SMYD3: variants seen among roughly 807,000 people sequenced by gnomAD.
SMYD3 encodes the protein histone-lysine N-methyltransferase SMYD3.
Under a neutral mutation model 57.7 loss-of-function variants are expected in SMYD3, and 36 were observed. The ratio of observed to expected loss-of-function variants is 0.62; its 90% CI spans 0.48 to 0.82. SMYD3 has a LOEUF of 0.82. Ranked by LOEUF, SMYD3 falls within the 40% of genes least tolerant of loss-of-function variation. SMYD3 has a pLI of 0.00. For synonymous variants in SMYD3, 211 were observed against 195.0 expected (o/e 1.08, Z -0.68); for missense variants, 515 against 538.8 (o/e 0.96, Z 0.44).
chr1:246,339,067 C>A (rs1178584576), intron 2 of SMYD3, among the ~76,000 whole-genome samples: 1 of 152,138 alleles, frequency 6.6e-6, no homozygotes, highest in Non-Finnish European at 1.5e-5. Context: ...CATTTAAAAA[C>A]AAAGAGCTCG....
intron 5 of SMYD3, among the ~76,000 whole-genome samples, chr1:246,247,471 A>G (rs570148783): frequency 7.6e-6 from 1 of 131,460 alleles, no homozygotes; most frequent in Non-Finnish European, 1.6e-5. Context: ...CTCTCTATAT[A>G]TATATATATA....
intron 5 of SMYD3, among the ~76,000 whole-genome samples, chr1:246,147,601 G>A (rs114235934): frequency 0.016 from 2,365 of 152,026 alleles, 31 homozygotes; most frequent in Non-Finnish European, 0.022. Flanking sequence ...CTGCAGACCA[G>A]GCTTCCTGCT....
intron 1 of SMYD3, among the ~76,000 whole-genome samples, chr1:246,405,823 TG>T (rs2066854662): frequency 6.8e-6 from 1 of 145,994 alleles, no homozygotes; most frequent in Admixed American, 7.0e-5. Context: ...GGCAGGAGAA[TG>T]GCGTGAACCC....
At chr1:246,454,638 C>CA (rs532003498) in intron 1 of SMYD3, among the ~76,000 whole-genome samples, 80 of 152,286 alleles carry the variant, frequency 5.3e-4, no homozygotes, top group Non-Finnish European at 9.7e-4. Context: ...ACTAAAGCCT[C>CA]AAACGTCAGC....
chr1:246,277,377 G>A (rs1386267252), intron 5 of SMYD3, among the ~76,000 whole-genome samples: 3 of 152,124 alleles, frequency 2.0e-5, no homozygotes, highest in Non-Finnish European at 2.9e-5. Context: ...GTGAAGGTGC[G>A]GAGCAACTGC....
At chr1:246,085,237 G>A (rs1310748466) in intron 5 of SMYD3, among the ~76,000 whole-genome samples, 1 of 152,086 alleles carries the variant, frequency 6.6e-6, no homozygotes, top group African/African-American at 2.4e-5. Context: ...GTTAACATCT[G>A]AAGTACCCTA....
intron 1 of SMYD3, among the ~76,000 whole-genome samples, chr1:246,419,195 A>C (rs1459157559): frequency 6.6e-6 from 1 of 152,240 alleles, no homozygotes; most frequent in African/African-American, 2.4e-5. Context: ...ATAAGTTCTT[A>C]TAGGGATAAA....
Position 245,981,521 on chromosome 1 carries a change from G to A in SMYD3, c.532-51584C>T, listed in dbSNP as rs1488910809. Among the ~76,000 whole-genome samples the A allele has an allele frequency of 8.5e-5, 13 of 152,322 alleles. No individual in the cohort carries two copies. In the East Asian group the frequency reaches 2.1e-3, roughly 25 times the overall value. ...TTTTAAAGGAATAAACACTTGCAAAGCGGTTTAAATTTAAAGGTTCCCTTA... is the reference window on the plus strand; with the variant it reads ...TTTTAAAGGAATAAACACTTGCAAAACGGTTTAAATTTAAAGGTTCCCTTA... On this transcript the variant is annotated intron_variant, in intron 5 of 11. Transcript: ENST00000490107.
chr1:246,326,172 A>G (rs1201529298), intron 5 of SMYD3: 1 of 403,264 alleles, frequency 2.5e-6, no homozygotes, highest in African/African-American at 2.1e-5. Flanking sequence ...TAAAATATTA[A>G]TGGCATAAAT....
intron 5 of SMYD3, chr1:245,930,921 TG>T (rs1311448508): frequency 6.6e-6 from 1 of 152,168 alleles, no homozygotes; most frequent in Non-Finnish European, 1.5e-5. Flanking sequence ...AAGGGACTGC[TG>T]AAATGAACGT....
chr1:245,923,810 C>T (rs1267217289), intron 7 of SMYD3, among the ~76,000 whole-genome samples: 1 of 152,202 alleles, frequency 6.6e-6, no homozygotes, highest in Non-Finnish European at 1.5e-5. Flanking sequence ...TCAGTTTCCT[C>T]AACTATACCT....
rs1160801787 is a variant in SMYD3 at position 246,050,181 on chromosome 1, T to C, written c.532-120244A>G. 2.6e-5 allele frequency among the ~76,000 whole-genome samples: 4 copies of C among 152,350 alleles called. No homozygotes were observed. The South Asian group carries it at 8.3e-4, about 32-fold the overall frequency. ...AATTAGACTCATAGTCTAGAATTTT[T>C]CTTTCTTTCTCTAATTAAGAGGATC... On this transcript the variant is annotated intron_variant, in intron 5 of 11. Coordinates refer to ENST00000490107, the MANE Select transcript of SMYD3 (RefSeq NM_001167740.2).
At chr1:246,406,590 C>T (rs1046390010) in intron 1 of SMYD3, among the ~76,000 whole-genome samples, 4 of 152,152 alleles carry the variant, frequency 2.6e-5, no homozygotes, top group African/African-American at 4.8e-5. Flanking sequence ...CATAGTGCTA[C>T]GTGTTAGGCA....
intron 7 of SMYD3, among the ~76,000 whole-genome samples, chr1:245,920,711 A>T (rs1003305397): frequency 3.3e-5 from 5 of 152,204 alleles, no homozygotes; most frequent in Non-Finnish European, 7.3e-5. Flanking sequence ...AGCAAAGGAC[A>T]TCCTGTTCAA....
chr1:245,861,244 G>T (rs2051529697), intron 9 of SMYD3, among the ~76,000 whole-genome samples: 1 of 152,246 alleles, frequency 6.6e-6, no homozygotes, highest in Non-Finnish European at 1.5e-5. Context: ...CATCTGTGTG[G>T]TGTTTACTAC....
At chr1:246,086,765 C>A (rs2060729231) in intron 5 of SMYD3, among the ~76,000 whole-genome samples, 1 of 151,502 alleles carries the variant, frequency 6.6e-6, no homozygotes. Context: ...TGTGCGGGAC[C>A]TGCAGGTTTG....
intron 5 of SMYD3, among the ~76,000 whole-genome samples, chr1:246,319,545 T>G (rs2065214377): frequency 6.6e-6 from 1 of 152,242 alleles, no homozygotes; most frequent in African/African-American, 2.4e-5. Context: ...TTCAAAAGAT[T>G]GCTTTCTTTA....
chr1:245,760,595 A>T (rs1309448692), intron 11 of SMYD3, among the ~76,000 whole-genome samples: 1 of 152,124 alleles, frequency 6.6e-6, no homozygotes, highest in Non-Finnish European at 1.5e-5. Flanking sequence ...TCTATCCATT[A>T]AAAAAATCCA....
Position 246,323,721 on chromosome 1 carries a change from A to C in SMYD3, c.531+3480T>G, listed in dbSNP as rs1279844416. On this transcript the variant is annotated intron_variant, in intron 5 of 11. Transcript: ENST00000490107. ...ATAATTTTGAGATTTAGAATTAGCC[A>C]CATACTTCTACAACCCTGTGTCAAG... is the stretch of plus-strand genomic sequence containing the variant. 1.1e-4 allele frequency among the ~76,000 whole-genome samples: 16 copies of C among 152,194 alleles called. 1 individual carries two copies. The highest frequency in any genetic ancestry group is 1.0e-3 in the Admixed American group (16 of 15,288).
Sources: gnomAD v4.1 joint callset for allele counts (sites outside exome capture counted in the v4.1 genomes callset) on GRCh38, gnomAD v4.1.1 for gene constraint, MANE v1.5 for transcripts, NCBI Gene and HGNC (gene_info 2026-07-23, HGNC 2026-07-21) for gene names.